SRRM4: variants seen among roughly 807,000 people sequenced by gnomAD.
SRRM4 encodes serine/arginine repetitive matrix 4.
SRRM4 carries 33 observed loss-of-function variants against 68.9 expected under a neutral mutation model. The observed-to-expected ratio is 0.48, with a 90% CI of 0.36 to 0.64. The LOEUF is 0.64. Among genes scored for constraint, SRRM4 ranks in the 30% least tolerant of loss-of-function variants. SRRM4 has a pLI of 0.00. For synonymous variants in SRRM4, 318 were observed against 318.8 expected (o/e 1.00, Z 0.03); for missense variants, 817 against 827.1 (o/e 0.99, Z 0.15).
intron 11 of SRRM4, 52 bp downstream of exon 11, chr12:119,153,701 T>C: frequency 7.4e-7 from 1 of 1,352,028 alleles, no homozygotes; most frequent in Non-Finnish European, 1.0e-6. Context: ...ACCCCTTTGC[T>C]CTGATCCTCC....
intron 7 of SRRM4, among the ~76,000 whole-genome samples, chr12:119,126,673 A>G (rs184647446): frequency 1.3e-5 from 2 of 152,318 alleles, no homozygotes; most frequent in South Asian, 2.1e-4. Flanking sequence ...CTTGTTGATG[A>G]GAAGAAGGAG....
intron 8 of SRRM4, among the ~76,000 whole-genome samples, 167 bp from the exon 9 acceptor site, chr12:119,145,214 T>A (rs894610353): frequency 6.6e-6 from 1 of 152,226 alleles, no homozygotes; most frequent in African/African-American, 2.4e-5. Context: ...TTCTGTGGTA[T>A]TCCTTCAGGA....
At chr12:119,017,552 A>T (rs944897976) in intron 1 of SRRM4, among the ~76,000 whole-genome samples, 2 of 152,116 alleles carry the variant, frequency 1.3e-5, no homozygotes, top group Admixed American at 1.3e-4. Flanking sequence ...GGAAGAGTGT[A>T]AGGGGGTGGC....
At chr12:119,035,950 G>T (rs1040638491) in intron 1 of SRRM4, among the ~76,000 whole-genome samples, 1 of 152,272 alleles carries the variant, frequency 6.6e-6, no homozygotes, top group South Asian at 2.1e-4. Context: ...TCTAAGAGGG[G>T]CTTAGTCGAT....
intron 8 of SRRM4, among the ~76,000 whole-genome samples, chr12:119,140,310 G>A (rs1254612465): frequency 2.0e-5 from 3 of 151,026 alleles, no homozygotes; most frequent in Admixed American, 1.3e-4. Flanking sequence ...CCCAGGAGGT[G>A]AAGGCTGCAG....
chr12:119,061,938 G>C (rs1953814813), intron 1 of SRRM4, among the ~76,000 whole-genome samples: 2 of 152,040 alleles, frequency 1.3e-5, no homozygotes, highest in Non-Finnish European at 2.9e-5. Flanking sequence ...AAAATCTATG[G>C]ATAGATATGC....
At chr12:119,070,282 C>T (rs868695573) in intron 1 of SRRM4, among the ~76,000 whole-genome samples, 22 of 150,928 alleles carry the variant, frequency 1.5e-4, no homozygotes, top group African/African-American at 4.6e-4. Flanking sequence ...TTCAAGCATA[C>T]GTTCATTCAA....
intron 1 of SRRM4, among the ~76,000 whole-genome samples, chr12:119,009,057 G>T (rs1325444916): frequency 6.9e-6 from 1 of 145,368 alleles, no homozygotes; most frequent in Non-Finnish European, 1.5e-5. Context: ...CTACACACAC[G>T]CTCACACACA....
chr12:119,079,911 T>C (rs921224417), intron 1 of SRRM4, among the ~76,000 whole-genome samples: 1 of 151,746 alleles, frequency 6.6e-6, no homozygotes, highest in Admixed American at 6.6e-5. Flanking sequence ...CAGCCAGTGA[T>C]TGGGCATTGT....
chr12:119,114,032 ACT>A (rs1954161596), intron 2 of SRRM4: 2 of 353,540 alleles, frequency 5.7e-6, no homozygotes, highest in African/African-American at 4.1e-5. Context: ...AACCTCTATA[ACT>A]CTGTTTTTAA....
In SRRM4 at chr12:119,008,089, T is replaced by C. The variant is rs142362927; in HGVS notation, c.131+26076T>C. On this transcript the variant is annotated intron_variant, in intron 1 of 12. Transcript: ENST00000267260. ...GAGGCTAATACCCTTCCATTGCTGC[T>C]AGAAGTTTTGGTATTATAAGAATAT... Among the ~76,000 whole-genome samples the C allele has an allele frequency of 9.2e-5, 14 of 152,278 alleles. No individual in the cohort carries two copies. In the East Asian group the frequency reaches 2.7e-3, roughly 29 times the overall value.
intron 1 of SRRM4, among the ~76,000 whole-genome samples, chr12:119,033,364 C>T (rs1020236132): frequency 3.9e-5 from 6 of 152,130 alleles, no homozygotes; most frequent in African/African-American, 1.2e-4. Flanking sequence ...CAGAGTACAT[C>T]TCTAAAAAAT....
At position 119,039,232 on chromosome 12, in the gene SRRM4, G is replaced by A. The variant is rs115151347; in HGVS notation, c.131+57219G>A. 5.1e-3 allele frequency among the ~76,000 whole-genome samples: 775 copies of A among 152,274 alleles called. 5 individuals carry two copies. The highest frequency in any genetic ancestry group is 0.017 in the African/African-American group (725 of 41,570). ...AAGATTACAAGCCAAGCTCAGTGAC[G>A]TTGCAGTCAGGGTTGACACACTGCG... On this transcript the variant is annotated intron_variant, in intron 1 of 12. Transcript: ENST00000267260.
At chr12:118,997,377 T>C (rs1249470568) in intron 1 of SRRM4, among the ~76,000 whole-genome samples, 1 of 152,228 alleles carries the variant, frequency 6.6e-6, no homozygotes, top group Non-Finnish European at 1.5e-5. Flanking sequence ...CAGAGCTCTT[T>C]CTATTGGCCA....
chr12:119,122,643 G>A (rs1954229312), intron 6 of SRRM4, among the ~76,000 whole-genome samples: 1 of 152,174 alleles, frequency 6.6e-6, no homozygotes, highest in African/African-American at 2.4e-5. Context: ...CTACACCAAT[G>A]CATTTGTGTG....
intron 8 of SRRM4, among the ~76,000 whole-genome samples, chr12:119,143,835 G>A (rs1458749597): frequency 2.0e-5 from 3 of 152,056 alleles, no homozygotes; most frequent in African/African-American, 7.2e-5. Context: ...GGTTAAGGCG[G>A]GCAGCAGTCT....
Position 119,032,082 on chromosome 12 carries a change from A to C in SRRM4, c.131+50069A>C, listed in dbSNP as rs184170554. Among the ~76,000 whole-genome samples, 537 of 152,062 alleles carry C rather than the reference A, an allele frequency of 3.5e-3. 3 individuals are homozygous for C. Among genetic ancestry groups the C allele is most frequent in the African/African-American group, 0.012 (513 of 41,472 alleles). ...TTTGTTGTTTCATTATTTATCTTTAACTCTTTAATCCACAGTTCATCTTTT... is the reference window on the plus strand; with the variant it reads ...TTTGTTGTTTCATTATTTATCTTTACCTCTTTAATCCACAGTTCATCTTTT... On this transcript the variant is annotated intron_variant, in intron 1 of 12. Transcript: ENST00000267260.
chr12:119,007,152 C>T (rs1953421467), intron 1 of SRRM4, among the ~76,000 whole-genome samples: 1 of 152,232 alleles, frequency 6.6e-6, no homozygotes, highest in Admixed American at 6.5e-5. Context: ...CTTCCCAGCC[C>T]TCTCTGAAGA....
intron 1 of SRRM4, among the ~76,000 whole-genome samples, chr12:119,096,449 T>C (rs1399801123): frequency 6.6e-6 from 1 of 152,138 alleles, no homozygotes; most frequent in Non-Finnish European, 1.5e-5. Context: ...ATGGGTTTCT[T>C]TGAAAACTTC....
Sources: gnomAD v4.1 joint callset for allele counts (sites outside exome capture counted in the v4.1 genomes callset) on GRCh38, gnomAD v4.1.1 for gene constraint, MANE v1.5 for transcripts, NCBI Gene and HGNC (gene_info 2026-07-23, HGNC 2026-07-21) for gene names.